RNF32: variants seen among roughly 807,000 people sequenced by gnomAD.
RNF32 encodes ring finger protein 32.
Under a neutral mutation model 41.0 loss-of-function variants are expected in RNF32, and 36 were observed. The ratio of observed to expected loss-of-function variants is 0.88; its 90% CI spans 0.67 to 1.16. The LOEUF is 1.16. RNF32 is among the 50% of genes most tolerant of loss of function. The probability of loss-of-function intolerance (pLI) is 0.00; values close to 1 mark genes in which losing one functional copy is unlikely to be tolerated. For synonymous variants in RNF32, 154 were observed against 160.9 expected (o/e 0.96, Z 0.32); for missense variants, 413 against 436.7 (o/e 0.95, Z 0.48).
At chr7:156,660,723 T>C (rs1336496604) in intron 7 of RNF32, among the ~76,000 whole-genome samples, 2 of 152,142 alleles carry the variant, frequency 1.3e-5, no homozygotes, top group Non-Finnish European at 2.9e-5. Flanking sequence ...CCAAACTCTG[T>C]AAAGTATTTT....
chr7:156,653,639 G>A (rs1239737494), intron 3 of RNF32, among the ~76,000 whole-genome samples: 3 of 152,224 alleles, frequency 2.0e-5, no homozygotes, highest in African/African-American at 7.2e-5. Flanking sequence ...TTGGGGTGCG[G>A]GGAGGTGGTG....
chr7:156,663,673 T>C (rs2131559409), intron 7 of RNF32, among the ~76,000 whole-genome samples: 1 of 152,330 alleles, frequency 6.6e-6, no homozygotes, highest in East Asian at 1.9e-4. Flanking sequence ...AGAACAGCCT[T>C]GTTAGATATC....
Position 156,654,734 on chromosome 7 carries a change from G to C in RNF32, c.417+16G>C. 6.2e-7 allele frequency: 1 copy of C among 1,611,706 alleles called. No homozygotes were observed. Among genetic ancestry groups the C allele is most frequent in the African/African-American group, 1.3e-5 (1 of 75,016 alleles). On this transcript the variant is annotated intron_variant, in intron 4 of 8. Transcript: ENST00000317955. ...TCGTCCTCAGGTGTTTAGCATACGA[G>C]GGTGAGCTAGAGAGCTCCTGGGCTG...
At chr7:156,651,966 C>T (rs866777205) in intron 3 of RNF32, among the ~76,000 whole-genome samples, 2 of 152,186 alleles carry the variant, frequency 1.3e-5, no homozygotes, top group African/African-American at 4.8e-5. Context: ...TGGGCTCTCT[C>T]CTTGGATTCT....
intron 1 of RNF32, among the ~76,000 whole-genome samples, chr7:156,642,226 GTTAA>G: frequency 6.6e-6 from 1 of 152,268 alleles, no homozygotes; most frequent in Middle Eastern, 3.4e-3. Context: ...TTCACCATAG[GTTAA>G]TTGATATAAA....
chr7:156,655,262 C>CATATATATATATAG (rs1554442368), intron 4 of RNF32, among the ~76,000 whole-genome samples: 4 of 146,270 alleles, frequency 2.7e-5, no homozygotes, highest in African/African-American at 7.7e-5. Context: ...CACACACACA[C>CATATATATATATAG]AGAGAGAGAG....
At chr7:156,653,805 T>C (rs763002169) in intron 3 of RNF32, among the ~76,000 whole-genome samples, 16 of 152,358 alleles carry the variant, frequency 1.1e-4, no homozygotes, top group Non-Finnish European at 2.1e-4. Context: ...ACCGTGATGA[T>C]ACGTCATAGA....
At chr7:156,673,631 C>A (rs545008620) in intron 7 of RNF32, among the ~76,000 whole-genome samples, 3 of 152,148 alleles carry the variant, frequency 2.0e-5, no homozygotes, top group African/African-American at 7.2e-5. Flanking sequence ...TCAGCCACCC[C>A]CTTCATTCAA....
intron 3 of RNF32, among the ~76,000 whole-genome samples, chr7:156,651,406 G>A (rs1009082256): frequency 6.6e-6 from 1 of 151,728 alleles, no homozygotes; most frequent in Non-Finnish European, 1.5e-5. Context: ...TAGAGACGGG[G>A]TTTCACCATG....
chr7:156,645,171 C>T (rs1008572096), intron 3 of RNF32, among the ~76,000 whole-genome samples: 6 of 152,154 alleles, frequency 3.9e-5, no homozygotes, highest in African/African-American at 1.2e-4. Flanking sequence ...GAAAAATTTA[C>T]GTACAGACAC....
chr7:156,676,028 C>T (rs887855733), intron 8 of RNF32, among the ~76,000 whole-genome samples, 165 bp downstream of exon 8: 2 of 151,562 alleles, frequency 1.3e-5, no homozygotes, highest in African/African-American at 2.4e-5. Context: ...CGGGGGAGGT[C>T]GAGGACTCAC....
chr7:156,654,366 C>A, intron 3 of RNF32: 1 of 472,926 alleles, frequency 2.1e-6, no homozygotes, highest in Non-Finnish European at 3.8e-6. Context: ...GCAAATACTC[C>A]ACCATCTTCT....
At chr7:156,666,362 G>A (rs1374540968) in intron 7 of RNF32, among the ~76,000 whole-genome samples, 1 of 152,164 alleles carries the variant, frequency 6.6e-6, no homozygotes. Context: ...GTGTGTTGAC[G>A]AGTGAAAAGG....
chr7:156,676,379 A>G (rs759947725), intron 8 of RNF32, 40 bp from the exon 9 acceptor site: 1 of 1,613,948 alleles, frequency 6.2e-7, no homozygotes, highest in South Asian at 1.1e-5. Context: ...GCTGTGATGA[A>G]ACTAACCCGC....
intron 3 of RNF32, among the ~76,000 whole-genome samples, chr7:156,645,732 G>A (rs1278238143): frequency 1.3e-5 from 2 of 152,144 alleles, no homozygotes; most frequent in Non-Finnish European, 2.9e-5. Flanking sequence ...AAGAACATAC[G>A]ATAATATTTT....
chr7:156,675,600 G>A lies in RNF32; in HGVS notation c.685-96G>A, dbSNP rs939427808. On this transcript the variant is annotated intron_variant, in intron 7 of 8. Coordinates refer to ENST00000317955, the MANE Select transcript of RNF32 (RefSeq NM_030936.4). ...AGTATTATTCGAAGACAGAGACGAGGAAGGTTACCAAAATAGATGGTCAGG... is the reference window on the plus strand; with the variant it reads ...AGTATTATTCGAAGACAGAGACGAGAAAGGTTACCAAAATAGATGGTCAGG... The A allele has an allele frequency of 6.9e-5, 67 of 964,390 alleles. No homozygotes were observed. In the Middle Eastern group the frequency reaches 1.5e-3, roughly 22 times the overall value. 59.7% of individuals were successfully genotyped at this position (964,390 alleles called of 1,614,324 possible). A position where few individuals can be genotyped will look rare whatever the true frequency, so the allele number is the denominator to read the frequency against.
At chr7:156,675,251 G>C (rs576479491) in intron 7 of RNF32, among the ~76,000 whole-genome samples, 2 of 151,464 alleles carry the variant, frequency 1.3e-5, no homozygotes, top group Non-Finnish European at 3.0e-5. Context: ...GGTGAGCTGA[G>C]GGTGGTCGGT....
chr7:156,655,881 G>A (rs1308752621), intron 4 of RNF32, among the ~76,000 whole-genome samples: 2 of 152,186 alleles, frequency 1.3e-5, no homozygotes, highest in Admixed American at 6.5e-5. Flanking sequence ...TATCCAACCC[G>A]AGTGTCTGTA....
At chr7:156,646,762 T>C (rs999154392) in intron 3 of RNF32, among the ~76,000 whole-genome samples, 1 of 152,248 alleles carries the variant, frequency 6.6e-6, no homozygotes, top group Non-Finnish European at 1.5e-5. Context: ...TATTACTATG[T>C]TGATAGGTAC....
Sources: gnomAD v4.1 joint callset for allele counts (sites outside exome capture counted in the v4.1 genomes callset) on GRCh38, gnomAD v4.1.1 for gene constraint, MANE v1.5 for transcripts, NCBI Gene and HGNC (gene_info 2026-07-23, HGNC 2026-07-21) for gene names.